The following CRIM1 variants were observed in gnomAD, a reference collection of about 807,000 sequenced individuals.
CRIM1 encodes cysteine-rich motor neuron 1 protein.
A neutral mutation model predicts 116.4 loss-of-function variants in CRIM1; 32 were observed. That is an observed-to-expected ratio of 0.27 (90% CI 0.21 to 0.37). CRIM1 has a LOEUF of 0.37. CRIM1 is among the 10% of genes least tolerant of loss of function. The pLI, the probability that CRIM1 is intolerant of heterozygous loss-of-function variation, is 1.00. For missense variants in CRIM1, 1,331 were observed against 1,354.8 expected, an observed-to-expected ratio of 0.98 and a Z score of 0.28; for synonymous variants, 590 against 509.2, an observed-to-expected ratio of 1.16 and a Z score of -2.13.
intron 8 of CRIM1, among the ~76,000 whole-genome samples, chr2:36,507,485 C>G (rs1040147619): frequency 6.6e-6 from 1 of 151,878 alleles, no homozygotes; most frequent in African/African-American, 2.4e-5. Flanking sequence ...CATGGTTGTC[C>G]CTATACAGTG....
chr2:36,535,211 TG>T (rs1185747477), intron 13 of CRIM1, among the ~76,000 whole-genome samples: 2 of 72,652 alleles, frequency 2.8e-5, no homozygotes, highest in Non-Finnish European at 5.3e-5. Flanking sequence ...GAAGGAAGGA[TG>T]GAGGGAGAAG....
chr2:36,530,420 C>G (rs1291289804), intron 13 of CRIM1, among the ~76,000 whole-genome samples: 1 of 152,134 alleles, frequency 6.6e-6, no homozygotes, highest in African/African-American at 2.4e-5. Context: ...GTTTCTCAAA[C>G]AGGAGGTGCT....
chr2:36,412,489 A>G (rs529882866), intron 2 of CRIM1, among the ~76,000 whole-genome samples: 2 of 152,290 alleles, frequency 1.3e-5, no homozygotes, highest in South Asian at 2.1e-4. Flanking sequence ...TATTTGCCAC[A>G]TCTGACAGTT....
intron 4 of CRIM1, among the ~76,000 whole-genome samples, chr2:36,443,744 G>A (rs531420010): frequency 2.6e-5 from 4 of 152,270 alleles, no homozygotes; most frequent in East Asian, 1.9e-4. Context: ...TTATCTGTCC[G>A]TAATTGAAGA....
At chr2:36,542,837 C>T (rs1046127635) in intron 14 of CRIM1, among the ~76,000 whole-genome samples, 1 of 152,180 alleles carries the variant, frequency 6.6e-6, no homozygotes, top group Non-Finnish European at 1.5e-5. Context: ...TACCATCCCC[C>T]TGCACACACC....
intron 1 of CRIM1, among the ~76,000 whole-genome samples, chr2:36,390,830 G>A (rs1671519603): frequency 6.6e-6 from 1 of 151,730 alleles, no homozygotes; most frequent in Non-Finnish European, 1.5e-5. Flanking sequence ...TTATTTTTTT[G>A]ACAGAGTCTT....
chr2:36,358,874 A>AC (rs1208694059), intron 1 of CRIM1, among the ~76,000 whole-genome samples: 1 of 152,204 alleles, frequency 6.6e-6, no homozygotes, highest in Non-Finnish European at 1.5e-5. Flanking sequence ...ATTTAGACAG[A>AC]TATTTTCAAT....
intron 4 of CRIM1, among the ~76,000 whole-genome samples, chr2:36,460,606 A>G (rs1469902889): frequency 6.6e-6 from 1 of 152,214 alleles, no homozygotes; most frequent in East Asian, 1.9e-4. Flanking sequence ...GGTCATGCAA[A>G]TAGCTCTGCC....
At chr2:36,460,296 T>C (rs1677479850) in intron 4 of CRIM1, among the ~76,000 whole-genome samples, 1 of 152,222 alleles carries the variant, frequency 6.6e-6, no homozygotes, top group African/African-American at 2.4e-5. Flanking sequence ...AGCCCACATA[T>C]TGTATGATTC....
At chr2:36,402,125 G>A (rs1672452940) in intron 2 of CRIM1, among the ~76,000 whole-genome samples, 2 of 152,194 alleles carry the variant, frequency 1.3e-5, no homozygotes, top group Non-Finnish European at 2.9e-5. Context: ...ACTTGAGAGA[G>A]CCTGATGGTC....
At chr2:36,407,483 G>T (rs562106549) in intron 2 of CRIM1, among the ~76,000 whole-genome samples, 1 of 152,010 alleles carries the variant, frequency 6.6e-6, no homozygotes, top group South Asian at 2.1e-4. Flanking sequence ...GTTTTAAATC[G>T]TTGTTCTGAT....
chr2:36,466,996 C>G (rs181451365), intron 5 of CRIM1, among the ~76,000 whole-genome samples: 1 of 152,298 alleles, frequency 6.6e-6, no homozygotes, highest in East Asian at 1.9e-4. Context: ...TTGCTCCAGT[C>G]TGATGTGTCT....
At position 36,356,211 on chromosome 2, in the gene CRIM1, G is replaced by A; in HGVS notation, c.-82G>A. On this transcript the variant is annotated 5_prime_UTR_variant, in exon 1 of 17. Coordinates refer to ENST00000280527, the MANE Select transcript of CRIM1 (RefSeq NM_016441.3). This position sits in a 1 kb window ranked among gnomAD's most constrained non-coding sequence, Gnocchi z 4.3. ...CGCGGGCTGCTGGTGCGGCGGCGGC[G>A]GCGCGTGTGCCCCGCGCAGGGGAGG... 1 of 629,136 alleles carries A rather than the reference G, an allele frequency of 1.6e-6. No homozygotes were observed. The highest frequency in any genetic ancestry group is 2.2e-6 in the Non-Finnish European group (1 of 449,550). The allele number at this position is 629,136 out of a possible 1,614,324, so 39.0% of individuals were successfully genotyped here.
rs537826144 is a variant in CRIM1, at chr2:36,549,838, AATAT to A, written c.*1147_*1150del. On this transcript the variant is annotated 3_prime_UTR_variant, in exon 17 of 17. Transcript: ENST00000280527. ...AAAGTATTTGTGTGCATGTGTATAT[AATAT>A]ATATATATACATATATATTTATACA... 4 of 150,886 alleles carry A rather than the reference AATAT, an allele frequency of 2.7e-5. No individual in the cohort carries two copies. Among genetic ancestry groups the A allele is most frequent in the East Asian group, 1.9e-4 (1 of 5,172 alleles). The allele number at this position is 150,886 out of a possible 1,614,324, so 9.3% of individuals were successfully genotyped here.
At chr2:36,364,626 A>G (rs900555055) in intron 1 of CRIM1, among the ~76,000 whole-genome samples, 4 of 152,212 alleles carry the variant, frequency 2.6e-5, no homozygotes, top group Non-Finnish European at 5.9e-5. Context: ...TGTTTTAGGA[A>G]AAAGAAAATA....
rs1025393799 is a variant in CRIM1, at chr2:36,550,772, G to GTAAT, written c.*2076_*2079dup. The GTAAT allele has an allele frequency of 6.6e-6, 1 of 152,302 alleles. No homozygotes were observed. Among genetic ancestry groups the GTAAT allele is most frequent in the Non-Finnish European group, 1.5e-5 (1 of 67,958 alleles). The allele number at this position is 152,302 out of a possible 1,614,324, so 9.4% of individuals were successfully genotyped here. On this transcript the variant is annotated 3_prime_UTR_variant, in exon 17 of 17. Transcript: ENST00000280527. Reference sequence around the variant, plus strand: ...AGCCTGATTAGTATAAATTTTGTTGGTAATTAATCCATTCCTGGCATAAAA... The same window carrying GTAAT: ...AGCCTGATTAGTATAAATTTTGTTGGTAATTAATTAATCCATTCCTGGCATAAAA...
rs1679239932 is a variant in CRIM1 at position 36,479,485 on chromosome 2, G to A, written c.1175-12G>A. The A allele has an allele frequency of 1.9e-6, 3 of 1,613,860 alleles. No homozygotes were observed. Among genetic ancestry groups the A allele is most frequent in the Admixed American group, 1.7e-5 (1 of 60,032 alleles). On this transcript the variant is annotated splice_polypyrimidine_tract_variant and intron_variant, in intron 6 of 16. Transcript: ENST00000280527. ...ATGCTCAGTCTAACTCTGAACTCAT[G>A]TTCTCATTTAGATCCAGTGTATCCT...
At chr2:36,397,594 A>C (rs942403371) in intron 2 of CRIM1, among the ~76,000 whole-genome samples, 2 of 152,162 alleles carry the variant, frequency 1.3e-5, no homozygotes, top group Non-Finnish European at 2.9e-5. Context: ...TCTTATCTCT[A>C]AAATGATGTC....
intron 14 of CRIM1, among the ~76,000 whole-genome samples, chr2:36,542,383 T>G (rs1667007080): frequency 6.6e-6 from 1 of 152,208 alleles, no homozygotes; most frequent in Non-Finnish European, 1.5e-5. Flanking sequence ...TGTTTCCAAG[T>G]AGAGCCCCTG....
Sources: gnomAD v4.1 joint callset for allele counts (sites outside exome capture counted in the v4.1 genomes callset) on GRCh38, gnomAD v4.1.1 for gene constraint, Gnocchi (gnomAD v3.1) non-coding constraint, MANE v1.5 for transcripts, NCBI Gene and HGNC (gene_info 2026-07-23, HGNC 2026-07-21) for gene names.